KCTD2: variants seen among roughly 807,000 people sequenced by gnomAD.
KCTD2 encodes potassium channel tetramerization domain containing 2.
In KCTD2, 18 loss-of-function variants were observed where a neutral mutation model predicts 27.9. The observed-to-expected ratio is 0.64, with a 90% confidence interval of 0.45 to 0.96. The LOEUF (loss-of-function observed/expected upper bound fraction) is 0.96, where lower values mean the gene tolerates loss of function less well. KCTD2 is among the 40% of genes least tolerant of loss of function. KCTD2 has a pLI of 0.00. For synonymous variants in KCTD2, 175 were observed against 148.4 expected, an observed-to-expected ratio of 1.18 and a Z score of -1.30; for missense variants, 280 against 348.0, an observed-to-expected ratio of 0.80 and a Z score of 1.56.
rs570022754 is a variant in KCTD2 at position 75,052,460 on chromosome 17, G to T, written c.449-554G>T. On this transcript the variant is annotated intron_variant, in intron 2 of 5. Coordinates refer to ENST00000322444, the MANE Select transcript of KCTD2 (RefSeq NM_015353.3). ...AATTGGCTGGGTGCGGTGGCTTTAC[G>T]CCTGTAATCCCAGAACTTTGGGAGG... Among the ~76,000 whole-genome samples, 4 of 152,278 alleles carry T rather than the reference G, an allele frequency of 2.6e-5. No homozygotes were observed. In the East Asian group the frequency reaches 7.7e-4, roughly 29 times the overall value.
chr17:75,059,314 A>G lies in KCTD2; in HGVS notation c.541-196A>G, dbSNP rs574214326. ...TGCTGGCTTGTGGTCACTTAAAAAG[A>G]AAAACATTTTTTAAAGAGAAGGGAA... On this transcript the variant is annotated intron_variant, in intron 3 of 5. Transcript: ENST00000322444. 1.7e-5 allele frequency: 7 copies of G among 403,056 alleles called. No individual in the cohort carries two copies. The East Asian group carries it at 2.1e-4, about 12-fold the overall frequency. The allele number at this position is 403,056 out of a possible 1,614,324, so 25.0% of individuals were successfully genotyped here. A position where few individuals can be genotyped will look rare whatever the true frequency, so the allele number is the denominator to read the frequency against.
intron 2 of KCTD2, among the ~76,000 whole-genome samples, chr17:75,034,433 C>A (rs983407415): frequency 1.3e-5 from 2 of 152,212 alleles, no homozygotes; most frequent in Non-Finnish European, 1.5e-5. Context: ...CCTCTCGACA[C>A]CCCAGGTGGG....
At chr17:75,059,803 G>A (rs1225025340) in intron 4 of KCTD2, among the ~76,000 whole-genome samples, 198 bp downstream of exon 4, 1 of 152,210 alleles carries the variant, frequency 6.6e-6, no homozygotes, top group Non-Finnish European at 1.5e-5. Context: ...GGAAACAGAG[G>A]AGCATCATGT....
intron 3 of KCTD2, among the ~76,000 whole-genome samples, chr17:75,053,728 G>A (rs1186952096): frequency 6.6e-6 from 1 of 151,764 alleles, no homozygotes; most frequent in East Asian, 1.9e-4. Flanking sequence ...CAGGCGTGAG[G>A]CACTGCGCCC....
At chr17:75,042,129 CCTA>C in intron 3 of KCTD2, 2 of 1,497,968 alleles carry the variant, frequency 1.3e-6, no homozygotes, top group Non-Finnish European at 1.8e-6. Context: ...GTTCCTGCTC[CCTA>C]CCCACAGGCA....
rs1411415760 is a variant in KCTD2 at position 75,047,393 on chromosome 17, C to T, written c.143C>T (p.Ala48Val). The change falls in exon 1 of 6, where the codon GCT (alanine) becomes GTT (valine). Residue 48 changes from alanine to valine, a missense_variant. Ala to Val is a moderately conservative substitution (Grantham distance 64). Coordinates refer to ENST00000322444, the MANE Select transcript of KCTD2 (RefSeq NM_015353.3). ...GPTPRGHGRP[A>V]AAVAQPLEPG... ...ACGCCCCGCGGGCACGGCCGCCCGG[C>T]TGCCGCCGTCGCGCAGCCGCTGGAG... is the stretch of plus-strand genomic sequence containing the variant. 16 of 1,153,560 alleles carry T rather than the reference C, an allele frequency of 1.4e-5. No homozygotes were observed. The highest frequency in any genetic ancestry group is 7.1e-4 in the Middle Eastern group (2 of 2,798). 71.5% of individuals were successfully genotyped at this position (1,153,560 alleles called of 1,614,324 possible). A position where few individuals can be genotyped will look rare whatever the true frequency, so the allele number is the denominator to read the frequency against.
intron 3 of KCTD2, chr17:75,038,719 C>T (rs1260658601): frequency 1.1e-5 from 6 of 525,826 alleles, no homozygotes; most frequent in Non-Finnish European, 2.0e-5. Flanking sequence ...CAGTAAGTGG[C>T]GCCTACACAG....
At chr17:75,047,618 G>C in intron 1 of KCTD2, 29 bp downstream of exon 1, 4 of 1,590,210 alleles carry the variant, frequency 2.5e-6, no homozygotes, top group Non-Finnish European at 3.4e-6. Context: ...CGCGCCCCCG[G>C]GCCTTCGAAC....
At chr17:75,033,948 G>C (rs2040088665) in intron 1 of KCTD2, 1 of 152,294 alleles carries the variant, frequency 6.6e-6, no homozygotes, top group South Asian at 2.1e-4. Flanking sequence ...TCCTAAGCCA[G>C]GGATTGTGGG....
upstream of KCTD2, chr17:75,042,388 C>T (rs951320226): frequency 6.7e-7 from 1 of 1,494,900 alleles, no homozygotes; most frequent in Non-Finnish European, 9.1e-7. Context: ...ACACTTTCCT[C>T]TCCTAAGATC....
chr17:75,034,803 C>T (rs1387444711), intron 2 of KCTD2, among the ~76,000 whole-genome samples: 3 of 152,064 alleles, frequency 2.0e-5, no homozygotes, highest in Non-Finnish European at 4.4e-5. Flanking sequence ...AAGAACAAAC[C>T]CTCAAACTAT....
At chr17:75,043,177 CAT>C (rs1426789126), upstream of KCTD2, among the ~76,000 whole-genome samples, 1 of 152,198 alleles carries the variant, frequency 6.6e-6, no homozygotes, top group Admixed American at 6.5e-5. Flanking sequence ...GCTGAGATGG[CAT>C]CAGTGCACCC....
Position 75,039,951 on chromosome 17 carries a change from T to C in KCTD2, c.-259+4594T>C, listed in dbSNP as rs140311695. On this transcript the variant is annotated intron_variant, in intron 3 of 7. Transcript: ENST00000581589. ...GCATAATTATTTTGAAATTCGTCCA[T>C]GTTGTTGCATTTATTGACAAGTCAT... 99 of 854,358 alleles carry C rather than the reference T, an allele frequency of 1.2e-4. 1 individual carries two copies. In the East Asian group the frequency reaches 1.8e-3, roughly 16 times the overall value. The allele number at this position is 854,358 out of a possible 1,614,324, so 52.9% of individuals were successfully genotyped here.
rs140053200 is a variant in KCTD2 at position 75,041,808 on chromosome 17, GC to G, written c.-259+6452del. ...TTGAGCCCAAGAGTTCTGGGCTGTA[GC>G]GCGTTATGCCGATCGGGTGTCTTCA... On this transcript the variant is annotated intron_variant, in intron 3 of 7. Transcript: ENST00000581589. 1,011 of 165,566 alleles carry G rather than the reference GC, an allele frequency of 6.1e-3. 13 individuals are homozygous for G. The highest frequency in any genetic ancestry group is 0.023 in the African/African-American group (966 of 41,978). 10.3% of individuals were successfully genotyped at this position (165,566 alleles called of 1,614,324 possible). A position where few individuals can be genotyped will look rare whatever the true frequency, so the allele number is the denominator to read the frequency against.
intron 1 of KCTD2, among the ~76,000 whole-genome samples, chr17:75,048,451 A>C (rs942917424): frequency 6.6e-6 from 1 of 152,154 alleles, no homozygotes; most frequent in Non-Finnish European, 1.5e-5. Context: ...GAGTTGCGTA[A>C]ACATTTGTTG....
chr17:75,045,484 T>A (rs1480403736), upstream of KCTD2, among the ~76,000 whole-genome samples: 3 of 152,198 alleles, frequency 2.0e-5, no homozygotes, highest in Admixed American at 6.5e-5. Flanking sequence ...GTCTCAACCA[T>A]AAGAGACAGG....
rs1302091900 is a variant in KCTD2 at position 75,063,222 on chromosome 17, T to C, written c.*175T>C. 9.3e-6 allele frequency: 6 copies of C among 648,606 alleles called. No homozygotes were observed. Among genetic ancestry groups the C allele is most frequent in the African/African-American group, 3.7e-5 (2 of 54,572 alleles). The allele number at this position is 648,606 out of a possible 1,614,324, so 40.2% of individuals were successfully genotyped here. On this transcript the variant is annotated 3_prime_UTR_variant, in exon 6 of 6. Transcript: ENST00000322444. ...GGAACTCCCTCCCCACCTGCAGGAC[T>C]CCGAAGACAGTGCGACTTCTGGCTG...
At chr17:75,047,710 TC>T in intron 1 of KCTD2, 121 bp downstream of exon 1, 1 of 867,444 alleles carries the variant, frequency 1.2e-6, no homozygotes, top group Non-Finnish European at 1.7e-6. Flanking sequence ...GACCCCATCC[TC>T]CCCCTCCCTC....
At chr17:75,036,695 A>C (rs77801582) in intron 3 of KCTD2, among the ~76,000 whole-genome samples, 1 of 152,102 alleles carries the variant, frequency 6.6e-6, no homozygotes, top group Admixed American at 6.5e-5. Context: ...AGTAAACTGC[A>C]TTTTTTCTCA....
Sources: allele counts gnomAD v4.1 joint callset (sites outside exome capture counted in the v4.1 genomes callset), GRCh38; gene constraint gnomAD v4.1.1; transcripts MANE v1.5; gene names NCBI Gene and HGNC (gene_info 2026-07-23, HGNC 2026-07-21).